Variants in KLF12 observed in about 807,000 individuals in gnomAD.
KLF12 encodes Krueppel-like factor 12.
In KLF12, 9 loss-of-function variants were observed where a neutral mutation model predicts 37.8. The observed-to-expected ratio is 0.24, with a 90% CI of 0.14 to 0.42. The LOEUF (loss-of-function observed/expected upper bound fraction) is 0.42, where lower values mean the gene tolerates loss of function less well. Ranked by LOEUF, KLF12 falls within the 10% of genes least tolerant of loss-of-function variation. KLF12 has a pLI of 1.00. For synonymous variants in KLF12, 208 were observed against 202.1 expected, an observed-to-expected ratio of 1.03 and a Z score of -0.25; for missense variants, 411 against 516.0, an observed-to-expected ratio of 0.80 and a Z score of 1.97.
At chr13:73,950,433 T>A (rs780159396) in intron 2 of KLF12, among the ~76,000 whole-genome samples, 2 of 152,236 alleles carry the variant, frequency 1.3e-5, no homozygotes, top group Non-Finnish European at 2.9e-5. Context: ...AGCTTCCGAA[T>A]AACACTTTTC....
intron 2 of KLF12, among the ~76,000 whole-genome samples, chr13:73,948,268 C>A (rs1890516224): frequency 6.6e-6 from 1 of 152,066 alleles, no homozygotes; most frequent in Non-Finnish European, 1.5e-5. Flanking sequence ...ATCACCCAGG[C>A]TGGAGTGCAG....
At chr13:73,952,648 G>A (rs1357290186) in intron 2 of KLF12, among the ~76,000 whole-genome samples, 1 of 152,154 alleles carries the variant, frequency 6.6e-6, no homozygotes, top group East Asian at 1.9e-4. Context: ...TACTTGCTAG[G>A]GGTGCAAGTG....
the KLF12 span, among the ~76,000 whole-genome samples, chr13:74,233,801 G>A: frequency 1.3e-5 from 2 of 152,124 alleles, no homozygotes; most frequent in Admixed American, 1.3e-4. Flanking sequence ...TTAAAAAGTG[G>A]CATTCCAATA....
At chr13:73,872,076 T>C (rs2138880192) in intron 3 of KLF12, among the ~76,000 whole-genome samples, 1 of 152,306 alleles carries the variant, frequency 6.6e-6, no homozygotes, top group East Asian at 1.9e-4. Flanking sequence ...AGCTATTTCC[T>C]GGAGGATGGA....
the KLF12 span, among the ~76,000 whole-genome samples, chr13:74,228,758 A>T: frequency 6.6e-6 from 1 of 152,144 alleles, no homozygotes; most frequent in African/African-American, 2.4e-5. Context: ...AGGACACTGG[A>T]TAAAAAGAAG....
chr13:73,935,661 C>T (rs1193393375), intron 3 of KLF12, among the ~76,000 whole-genome samples: 5 of 152,028 alleles, frequency 3.3e-5, no homozygotes, highest in Non-Finnish European at 5.9e-5. Flanking sequence ...GACAGAGTCT[C>T]GTGTTGCTCA....
At chr13:74,065,644 T>A (rs552622136) in intron 1 of KLF12, among the ~76,000 whole-genome samples, 1 of 152,118 alleles carries the variant, frequency 6.6e-6, no homozygotes, top group East Asian at 1.9e-4. Context: ...GGACAGAGGA[T>A]CATATTCTGT....
At chr13:74,114,983 G>A (rs931394728) in intron 1 of KLF12, among the ~76,000 whole-genome samples, 4 of 151,978 alleles carry the variant, frequency 2.6e-5, no homozygotes, top group African/African-American at 7.3e-5. Context: ...TTCCTTATGA[G>A]AATCTAATGC....
chr13:73,814,382 A>C (rs1265579379), intron 4 of KLF12, among the ~76,000 whole-genome samples: 2 of 152,222 alleles, frequency 1.3e-5, no homozygotes, highest in Admixed American at 1.3e-4. Flanking sequence ...ACCGAACCAC[A>C]TGGAATTGCT....
intron 3 of KLF12, among the ~76,000 whole-genome samples, chr13:73,884,585 T>A (rs998879041): frequency 1.3e-5 from 2 of 152,234 alleles, no homozygotes; most frequent in Non-Finnish European, 2.9e-5. Context: ...TCAGGGCCTG[T>A]ACTTCCCATC....
chr13:73,993,371 C>T (rs1011631623), intron 2 of KLF12, among the ~76,000 whole-genome samples: 6 of 152,182 alleles, frequency 3.9e-5, no homozygotes, highest in Non-Finnish European at 8.8e-5. Context: ...TTTTCAGGGT[C>T]TGTCCTCAGG....
chr13:74,125,578 A>G (rs1877897056), intron 1 of KLF12, among the ~76,000 whole-genome samples: 1 of 152,204 alleles, frequency 6.6e-6, no homozygotes, highest in East Asian at 1.9e-4. Flanking sequence ...TGATAGCTTT[A>G]TCCAATAGCA....
chr13:74,024,980 T>C (rs1397093831), intron 1 of KLF12, among the ~76,000 whole-genome samples: 1 of 152,182 alleles, frequency 6.6e-6, no homozygotes, highest in Non-Finnish European at 1.5e-5. Context: ...AATCTCCCTT[T>C]ATAACCAGCT....
intron 3 of KLF12, among the ~76,000 whole-genome samples, chr13:73,917,732 C>T (rs1888912917): frequency 6.6e-6 from 1 of 152,138 alleles, no homozygotes; most frequent in South Asian, 2.1e-4. Flanking sequence ...TATTTTTATT[C>T]CTGCTACAAG....
At position 74,066,963 on chromosome 13, in the gene KLF12, C is replaced by T. The variant is rs376180235; in HGVS notation, c.-32+66776G>A. The stretch of plus-strand genomic sequence containing the variant: ...ACCCATAGCCCAAGATAAACATCTG[C>T]TAAGGATCAAAAAGATCAGGCCCTG... On this transcript the variant is annotated intron_variant, in intron 1 of 7. Coordinates refer to ENST00000377669, the MANE Select transcript of KLF12 (RefSeq NM_007249.5). Among the ~76,000 whole-genome samples the T allele has an allele frequency of 5.7e-4, 87 of 152,276 alleles. 2 individuals carry two copies. In the South Asian group the frequency reaches 0.018, roughly 31 times the overall value.
chr13:73,696,394 G>A lies in KLF12; in HGVS notation c.1028-723C>T, dbSNP rs376502286. Among the ~76,000 whole-genome samples, 20 of 152,264 alleles carry A rather than the reference G, an allele frequency of 1.3e-4. No individual in the cohort carries two copies. In the East Asian group the frequency reaches 3.3e-3, roughly 25 times the overall value. On this transcript the variant is annotated intron_variant, in intron 7 of 7. Transcript: ENST00000377669. ...GTCTGAAGAAGCATGTAATTTGACC[G>A]GGTCTCTCAGTCAACTTGTAAGGAC...
At chr13:74,199,134 G>C in the KLF12 span, among the ~76,000 whole-genome samples, 1 of 152,204 alleles carries the variant, frequency 6.6e-6, no homozygotes, top group South Asian at 2.1e-4. Context: ...GCAGAAGTCA[G>C]TGCGGATCGA....
intron 1 of KLF12, among the ~76,000 whole-genome samples, chr13:74,014,547 G>A (rs1235973594): frequency 6.6e-6 from 1 of 152,118 alleles, no homozygotes; most frequent in East Asian, 1.9e-4. Context: ...TAGGAAATAT[G>A]GCTGGAGAGA....
chr13:74,268,935 G>A, the KLF12 span, among the ~76,000 whole-genome samples: 1 of 152,178 alleles, frequency 6.6e-6, no homozygotes, highest in East Asian at 1.9e-4. Context: ...GATTAATCCT[G>A]ACACTGAAGA....
Sources: allele counts gnomAD v4.1 joint callset (sites outside exome capture counted in the v4.1 genomes callset), GRCh38; gene constraint gnomAD v4.1.1; transcripts MANE v1.5; gene names NCBI Gene and HGNC (gene_info 2026-07-23, HGNC 2026-07-21).